The following BRMS1L variants were observed in gnomAD, a reference collection of about 807,000 sequenced individuals.
BRMS1L encodes breast cancer metastasis-suppressor 1-like protein.
BRMS1L carries 23 observed loss-of-function variants against 50.3 expected under a neutral mutation model. The observed-to-expected ratio is 0.46, with a 90% CI of 0.33 to 0.65. The LOEUF is 0.65. Among genes scored for constraint, BRMS1L ranks in the 30% least tolerant of loss-of-function variants. The pLI is 0.02. For synonymous variants in BRMS1L, 114 were observed against 126.9 expected (o/e 0.90, Z 0.69); for missense variants, 286 against 386.1 (o/e 0.74, Z 2.17).
intron 1 of BRMS1L, chr14:35,829,742 A>G: frequency 1.3e-6 from 1 of 788,702 alleles, no homozygotes; most frequent in South Asian, 1.6e-5. Flanking sequence ...AAAATGAGTC[A>G]GCCTTCCATG....
At chr14:35,850,126 AAT>A (rs1365537455) in intron 4 of BRMS1L, among the ~76,000 whole-genome samples, 2 of 147,344 alleles carry the variant, frequency 1.4e-5, no homozygotes, top group Non-Finnish European at 3.0e-5. Context: ...CCGGCTGAAG[AAT>A]TTCTTATATA....
chr14:35,827,458 CTTCT>C (rs950006210), intron 1 of BRMS1L, among the ~76,000 whole-genome samples: 4 of 152,198 alleles, frequency 2.6e-5, no homozygotes, highest in African/African-American at 9.7e-5. Flanking sequence ...ATGAGACTGA[CTTCT>C]TTGTCTTGGC....
chr14:35,826,347 A>C lies in BRMS1L; in HGVS notation c.-170A>C, dbSNP rs992798474. On this transcript the variant is annotated 5_prime_UTR_variant, in exon 1 of 10. Coordinates refer to ENST00000216807, the MANE Select transcript of BRMS1L (RefSeq NM_032352.4). ...GGCCTCCGCCAATGGCAGAGCTCCC[A>C]TCGCAGAGCCTGCGGGTTAGGTTGT... 3 of 976,700 alleles carry C rather than the reference A, an allele frequency of 3.1e-6. No homozygotes were observed. Among genetic ancestry groups the C allele is most frequent in the Non-Finnish European group, 4.5e-6 (3 of 673,086 alleles). The allele number at this position is 976,700 out of a possible 1,614,324, so 60.5% of individuals were successfully genotyped here.
intron 4 of BRMS1L, among the ~76,000 whole-genome samples, chr14:35,849,832 T>A (rs992831816): frequency 3.9e-5 from 6 of 152,104 alleles, no homozygotes; most frequent in African/African-American, 1.4e-4. Context: ...TCTTTTTTTT[T>A]TTGTTGACAC....
chr14:35,870,651 A>G lies in BRMS1L; in HGVS notation c.*174A>G. ...TGATATGTTATTAAAAGAAACAGTA[A>G]TAAAAATTTTATCACGATCCTTACG... is the stretch of plus-strand genomic sequence containing the variant. On this transcript the variant is annotated 3_prime_UTR_variant, in exon 10 of 10. Coordinates refer to ENST00000216807, the MANE Select transcript of BRMS1L (RefSeq NM_032352.4). 1 of 384,486 alleles carries G rather than the reference A, an allele frequency of 2.6e-6. No homozygotes were observed. Among genetic ancestry groups the G allele is most frequent in the Non-Finnish European group, 4.8e-6 (1 of 208,698 alleles). The allele number at this position is 384,486 out of a possible 1,614,324, so 23.8% of individuals were successfully genotyped here.
intron 4 of BRMS1L, among the ~76,000 whole-genome samples, chr14:35,848,927 C>T (rs1427593130): frequency 6.6e-6 from 1 of 152,162 alleles, no homozygotes; most frequent in Non-Finnish European, 1.5e-5. Flanking sequence ...CTGTAGTGAA[C>T]ATGGGAGTGC....
intron 4 of BRMS1L, among the ~76,000 whole-genome samples, chr14:35,853,960 A>G (rs899685149): frequency 6.6e-6 from 1 of 152,156 alleles, no homozygotes. Flanking sequence ...GAATCTAAAA[A>G]TTATTAACTC....
chr14:35,858,216 G>A lies in BRMS1L; in HGVS notation c.442-4374G>A, dbSNP rs530198608. On this transcript the variant is annotated intron_variant, in intron 4 of 9. Transcript: ENST00000216807. ...GAAGTCCTAACGCTGTTTTCTCTGC[G>A]ATCAAACTTATCAGATAATCCATCA... Among the ~76,000 whole-genome samples the A allele has an allele frequency of 2.9e-3, 442 of 152,160 alleles. 1 individual carries two copies. Among genetic ancestry groups the A allele is most frequent in the Middle Eastern group, 0.01 (3 of 292 alleles).
At chr14:35,844,767 A>AC (rs2078111853) in intron 4 of BRMS1L, among the ~76,000 whole-genome samples, 1 of 152,116 alleles carries the variant, frequency 6.6e-6, no homozygotes, top group African/African-American at 2.4e-5. Context: ...ACATAGCAAG[A>AC]CCCCATCACT....
chr14:35,860,264 G>A (rs1411994156), intron 4 of BRMS1L, among the ~76,000 whole-genome samples: 1 of 151,904 alleles, frequency 6.6e-6, no homozygotes, highest in African/African-American at 2.4e-5. Flanking sequence ...TGAGTAGCTG[G>A]GATTACAGGT....
chr14:35,852,398 T>C (rs1030889434), intron 4 of BRMS1L, among the ~76,000 whole-genome samples: 1 of 152,198 alleles, frequency 6.6e-6, no homozygotes, highest in Non-Finnish European at 1.5e-5. Flanking sequence ...TGATAGGGGT[T>C]GTGTTGAATC....
At chr14:35,860,194 A>G (rs1015329643) in intron 4 of BRMS1L, among the ~76,000 whole-genome samples, 11 of 151,892 alleles carry the variant, frequency 7.2e-5, no homozygotes, top group Non-Finnish European at 1.6e-4. Context: ...TAGTGGCATG[A>G]TCTCGGCTTA....
intron 4 of BRMS1L, among the ~76,000 whole-genome samples, chr14:35,852,708 G>A (rs1385552772): frequency 1.3e-5 from 2 of 151,980 alleles, no homozygotes; most frequent in East Asian, 3.8e-4. Flanking sequence ...GAGGTGGGCA[G>A]GTCATGAGGT....
chr14:35,839,228 A>G (rs370113412), intron 4 of BRMS1L, among the ~76,000 whole-genome samples: 2 of 152,096 alleles, frequency 1.3e-5, no homozygotes, highest in African/African-American at 2.4e-5. Context: ...CCATTGGCCT[A>G]TATGTCTGTT....
Position 35,862,698 on chromosome 14 carries a change from G to A in BRMS1L, c.538+12G>A, listed in dbSNP as rs1226253958. On this transcript the variant is annotated intron_variant, in intron 5 of 9. Coordinates refer to ENST00000216807, the MANE Select transcript of BRMS1L (RefSeq NM_032352.4). ...TGATATTACCTCAGGTAAGGAGAAT[G>A]ATATGATTGTGATGTTTGAGTGGCA... The A allele has an allele frequency of 1.3e-6, 2 of 1,590,930 alleles. No individual in the cohort carries two copies. Among genetic ancestry groups the A allele is most frequent in the Admixed American group, 1.7e-5 (1 of 59,024 alleles).
chr14:35,842,697 G>GT (rs1486308210), intron 4 of BRMS1L, among the ~76,000 whole-genome samples: 1 of 152,144 alleles, frequency 6.6e-6, no homozygotes, highest in Non-Finnish European at 1.5e-5. Context: ...GGTGTTCTCT[G>GT]TATTTCCTGA....
chr14:35,854,729 T>C (rs533528593), intron 4 of BRMS1L, among the ~76,000 whole-genome samples: 38 of 152,348 alleles, frequency 2.5e-4, no homozygotes, highest in Non-Finnish European at 5.3e-4. Context: ...TTATTTCCTA[T>C]GTTATGATTC....
intron 4 of BRMS1L, among the ~76,000 whole-genome samples, chr14:35,835,578 C>T (rs1191470880): frequency 2.6e-5 from 4 of 152,108 alleles, no homozygotes; most frequent in Admixed American, 6.5e-5. Flanking sequence ...CATGGTGGCT[C>T]ACACCTGTAA....
chr14:35,826,477 G>A lies in BRMS1L; in HGVS notation c.-40G>A, dbSNP rs1182354611. ...CCTTCATTGAAGCGGCGGTGGCCGGGCTGGGCGCCGGTAGTGGAAAGCGAC... is the reference window on the plus strand; with the variant it reads ...CCTTCATTGAAGCGGCGGTGGCCGGACTGGGCGCCGGTAGTGGAAAGCGAC... On this transcript the variant is annotated 5_prime_UTR_variant, in exon 1 of 10. Coordinates refer to ENST00000216807, the MANE Select transcript of BRMS1L (RefSeq NM_032352.4). The A allele has an allele frequency of 1.3e-6, 2 of 1,554,926 alleles. No individual in the cohort carries two copies. Among genetic ancestry groups the A allele is most frequent in the African/African-American group, 2.7e-5 (2 of 73,692 alleles).
Sources: gnomAD v4.1 joint callset for allele counts (sites outside exome capture counted in the v4.1 genomes callset) on GRCh38, gnomAD v4.1.1 for gene constraint, MANE v1.5 for transcripts, NCBI Gene and HGNC (gene_info 2026-07-23, HGNC 2026-07-21) for gene names.